Variants in N4BP1 observed in about 807,000 individuals in gnomAD.
N4BP1 encodes NEDD4-binding protein 1.
In N4BP1, 21 loss-of-function variants were observed where a neutral mutation model predicts 70.9. That is an observed-to-expected ratio of 0.30 (90% CI 0.21 to 0.43). N4BP1 has a LOEUF of 0.43. Among genes scored for constraint, N4BP1 ranks in the 20% least tolerant of loss-of-function variants. The probability of loss-of-function intolerance (pLI) is 1.00; values close to 1 mark genes in which losing one functional copy is unlikely to be tolerated. For synonymous variants in N4BP1, 387 were observed against 394.6 expected (o/e 0.98, Z 0.23); for missense variants, 936 against 1,069.4 (o/e 0.88, Z 1.74).
At chr16:48,593,089 A>G (rs1330339831) in intron 1 of N4BP1, among the ~76,000 whole-genome samples, 1 of 152,112 alleles carries the variant, frequency 6.6e-6, no homozygotes, top group Non-Finnish European at 1.5e-5. Flanking sequence ...AATATTTCAT[A>G]AACTGCCACT....
intron 1 of N4BP1, among the ~76,000 whole-genome samples, chr16:48,598,922 A>G (rs1597113795): frequency 6.6e-6 from 1 of 152,054 alleles, no homozygotes; most frequent in Non-Finnish European, 1.5e-5. Flanking sequence ...TATAAACTGG[A>G]ATGGTAATAA....
intron 1 of N4BP1, among the ~76,000 whole-genome samples, chr16:48,569,956 A>G (rs1049980169): frequency 6.6e-6 from 1 of 151,998 alleles, no homozygotes; most frequent in Non-Finnish European, 1.5e-5. Context: ...ACCTAGAAAG[A>G]TGGGGCTTTT....
intron 1 of N4BP1, among the ~76,000 whole-genome samples, chr16:48,586,532 C>G (rs1258529878): frequency 6.6e-6 from 1 of 152,162 alleles, no homozygotes; most frequent in Non-Finnish European, 1.5e-5. Flanking sequence ...AGAATTACAA[C>G]AGTATATATA....
intron 1 of N4BP1, among the ~76,000 whole-genome samples, chr16:48,601,563 A>G (rs1158421030): frequency 6.6e-6 from 1 of 152,206 alleles, no homozygotes; most frequent in Non-Finnish European, 1.5e-5. Context: ...AAGATGCCAT[A>G]ATCACAAATG....
At chr16:48,544,283 C>A (rs1455154584) in intron 6 of N4BP1, among the ~76,000 whole-genome samples, 1 of 152,200 alleles carries the variant, frequency 6.6e-6, no homozygotes, top group Non-Finnish European at 1.5e-5. Flanking sequence ...GTAGTGGTCT[C>A]CTAGGTAGAA....
chr16:48,554,578 A>G (rs1296496379), intron 2 of N4BP1, among the ~76,000 whole-genome samples: 3 of 152,256 alleles, frequency 2.0e-5, no homozygotes, highest in East Asian at 1.9e-4. Flanking sequence ...AAAGAAAAAA[A>G]GACTAAAATC....
chr16:48,541,927 AC>A lies in N4BP1; in HGVS notation c.*976del, dbSNP rs1337791852. 2.0e-5 allele frequency: 3 copies of A among 152,586 alleles called. No individual in the cohort carries two copies. Among genetic ancestry groups the A allele is most frequent in the Non-Finnish European group, 4.4e-5 (3 of 68,036 alleles). 9.5% of individuals were successfully genotyped at this position (152,586 alleles called of 1,614,324 possible). ...CTTGGGTCACTTTTGAGAATAGAAA[AC>A]CATTTTTTGGCAAAGCTGTACAAAC... On this transcript the variant is annotated 3_prime_UTR_variant, in exon 7 of 7. Coordinates refer to ENST00000262384, the MANE Select transcript of N4BP1 (RefSeq NM_153029.4).
chr16:48,555,712 A>G (rs1033801679), intron 2 of N4BP1, among the ~76,000 whole-genome samples: 3 of 152,016 alleles, frequency 2.0e-5, no homozygotes, highest in Middle Eastern at 3.2e-3. Flanking sequence ...TAAATCATCC[A>G]TCACTCTAAT....
chr16:48,570,490 G>A (rs905786510), intron 1 of N4BP1, among the ~76,000 whole-genome samples: 19 of 152,160 alleles, frequency 1.2e-4, no homozygotes, highest in Admixed American at 1.2e-3. Context: ...GGGACTACAG[G>A]CACGTGCCAC....
intron 1 of N4BP1, among the ~76,000 whole-genome samples, chr16:48,601,800 T>C (rs1295603325): frequency 3.3e-5 from 5 of 152,318 alleles, no homozygotes; most frequent in Admixed American, 6.5e-5. Flanking sequence ...GACTTGGAAC[T>C]ACTGGACTCA....
intron 2 of N4BP1, among the ~76,000 whole-genome samples, chr16:48,557,200 T>C (rs973485492): frequency 6.6e-6 from 1 of 152,152 alleles, no homozygotes; most frequent in Non-Finnish European, 1.5e-5. Flanking sequence ...AGGGTGGGGC[T>C]CACACCAACA....
At chr16:48,587,820 A>G (rs1246737778) in intron 1 of N4BP1, among the ~76,000 whole-genome samples, 1 of 152,206 alleles carries the variant, frequency 6.6e-6, no homozygotes, top group Non-Finnish European at 1.5e-5. Flanking sequence ...TGCCTATCCT[A>G]TGGTGCAGGA....
chr16:48,545,457 AATCCCAGCTACTTGGGAG>A (rs952206848), intron 6 of N4BP1, among the ~76,000 whole-genome samples: 39 of 151,450 alleles, frequency 2.6e-4, no homozygotes, highest in Admixed American at 1.4e-3. Flanking sequence ...GTGCACCTGT[AATCCCAGCTACTTGGGAG>A]GCTGAGGCAG....
Position 48,538,990 on chromosome 16 carries a change from C to T in N4BP1, c.*3914G>A, listed in dbSNP as rs1018932234. 1 of 152,290 alleles carries T rather than the reference C, an allele frequency of 6.6e-6. No individual in the cohort carries two copies. Among genetic ancestry groups the T allele is most frequent in the African/African-American group, 2.4e-5 (1 of 41,428 alleles). 9.4% of individuals were successfully genotyped at this position (152,290 alleles called of 1,614,324 possible). On this transcript the variant is annotated 3_prime_UTR_variant, in exon 7 of 7. Coordinates refer to ENST00000262384, the MANE Select transcript of N4BP1 (RefSeq NM_153029.4). ...AAAGGAGACGAGGACTCAGGCTGGGCCTTCCAGGAGGGAAGCCATTTGGGA... is the reference window on the plus strand; with the variant it reads ...AAAGGAGACGAGGACTCAGGCTGGGTCTTCCAGGAGGGAAGCCATTTGGGA...
chr16:48,609,899 C>A lies in N4BP1; in HGVS notation c.74G>T (p.Gly25Val). 1 of 1,473,398 alleles carries A rather than the reference C, an allele frequency of 6.8e-7. No individual in the cohort carries two copies. Among genetic ancestry groups the A allele is most frequent in the Non-Finnish European group, 9.0e-7 (1 of 1,113,682 alleles). 91.3% of individuals were successfully genotyped at this position (1,473,398 alleles called of 1,614,324 possible). Residue 25 changes from glycine (G) to valine (V), a missense_variant, in exon 1 of 7, where the codon GGC (glycine) becomes GTC (valine). Physicochemically the swap from Gly to Val is moderately radical, Grantham distance 109. Coordinates refer to ENST00000262384, the MANE Select transcript of N4BP1 (RefSeq NM_153029.4). ...CACGCCAAACAGGCCCTCGATACGGCCGCGGCTCTGCTCCAGCAGCTCCGC... is the reference window on the plus strand; with the variant it reads ...CACGCCAAACAGGCCCTCGATACGGACGCGGCTCTGCTCCAGCAGCTCCGC... ...EKAELLEQSR[G>V]RIEGLFGVSL...
intron 1 of N4BP1, among the ~76,000 whole-genome samples, chr16:48,585,791 G>A (rs1331542986): frequency 6.6e-6 from 1 of 152,124 alleles, no homozygotes; most frequent in Non-Finnish European, 1.5e-5. Flanking sequence ...CAACTCCTGG[G>A]TTCAAGCAAT....
At chr16:48,557,487 A>G (rs1279363572) in intron 2 of N4BP1, among the ~76,000 whole-genome samples, 1 of 152,210 alleles carries the variant, frequency 6.6e-6, no homozygotes, top group Non-Finnish European at 1.5e-5. Context: ...ATTGGTGTGA[A>G]GGTTGCATTT....
intron 1 of N4BP1, among the ~76,000 whole-genome samples, chr16:48,607,565 C>G (rs944241071): frequency 4.0e-5 from 6 of 151,838 alleles, no homozygotes. Flanking sequence ...AGGGAGGGAG[C>G]AATGAATGAG....
At chr16:48,553,089 A>C (rs1469102681) in intron 3 of N4BP1, among the ~76,000 whole-genome samples, 1 of 152,226 alleles carries the variant, frequency 6.6e-6, no homozygotes, top group African/African-American at 2.4e-5. Context: ...TAATAAGTTC[A>C]AATCTTTCGT....
Sources: allele counts gnomAD v4.1 joint callset (sites outside exome capture counted in the v4.1 genomes callset), GRCh38; gene constraint gnomAD v4.1.1; transcripts MANE v1.5; gene names NCBI Gene and HGNC (gene_info 2026-07-23, HGNC 2026-07-21).